Variants in SNRNP200 observed in about 807,000 individuals in gnomAD.
SNRNP200 encodes the protein small nuclear ribonucleoprotein U5 subunit 200, also known as U5 small nuclear ribonucleoprotein 200 kDa helicase.
A neutral mutation model predicts 255.2 loss-of-function variants in SNRNP200; 66 were observed. The ratio of observed to expected loss-of-function variants is 0.26; its 90% CI spans 0.21 to 0.32. The LOEUF is 0.32. Ranked by LOEUF, SNRNP200 falls within the 10% of genes least tolerant of loss-of-function variation. The probability of loss-of-function intolerance (pLI) is 1.00; values close to 1 mark genes in which losing one functional copy is unlikely to be tolerated. For synonymous variants in SNRNP200, 939 were observed against 1,027.8 expected (o/e 0.91, Z 1.65); for missense variants, 1,585 against 2,749.8 (o/e 0.58, Z 9.47).
Position 96,277,849 on chromosome 2 carries a change from C to T in SNRNP200, c.5712G>A (p.Leu1904=), listed in dbSNP as rs1439600407. Residue 1904 remains leucine (L), a synonymous_variant, in exon 40 of 45, where the codon CTG becomes CTA. Coordinates refer to ENST00000323853, the MANE Select transcript of SNRNP200 (RefSeq NM_014014.5). The surrounding 1 kb of genome is among the most constrained non-coding windows in gnomAD (Gnocchi z 4.4). ...LLQAHLSRMQ[L]SAELQSDTEE... is the part of the protein sequence containing the mutation. ...CCGTATCTGACTGCAACTCAGCACT[C>T]AGCTGCATGCGAGACAAGTGAGCCT... The T allele has an allele frequency of 6.2e-7, 1 of 1,614,238 alleles. No homozygotes were observed. Among genetic ancestry groups the T allele is most frequent in the East Asian group, 2.2e-5 (1 of 44,896 alleles).
chr2:96,279,149 G>A, intron 36 of SNRNP200, 151 bp from the exon 37 acceptor site: 2 of 709,038 alleles, frequency 2.8e-6, no homozygotes, highest in Non-Finnish European at 5.0e-6. Flanking sequence ...TGCATCACTG[G>A]TGACAATACG....
rs1046115497 is a variant in SNRNP200 at position 96,297,577 on chromosome 2, G to A, written c.1204-41C>T. ...ACAAAAACACAAAGGAAGTAAGCAA[G>A]CCGAGCAAGTGAGTTTTCCATCCAT... On this transcript the variant is annotated intron_variant, in intron 10 of 44. Transcript: ENST00000323853. The A allele has an allele frequency of 3.7e-6, 6 of 1,614,030 alleles. No individual in the cohort carries two copies. In the African/African-American group the frequency reaches 8.0e-5, roughly 22 times the overall value.
chr2:96,302,348 T>C (rs2063958653), intron 3 of SNRNP200, among the ~76,000 whole-genome samples: 1 of 152,178 alleles, frequency 6.6e-6, no homozygotes, highest in African/African-American at 2.4e-5. Context: ...CACAAGAGGA[T>C]CCAGAGAAAA....
Position 96,277,282 on chromosome 2 carries a change from G to A in SNRNP200, c.5932-41C>T. ...AGACGTCAGGAAAGAGAGAACACGG[G>A]CCAACAGCAAATGACACAGGCAGCA... On this transcript the variant is annotated intron_variant, in intron 41 of 44. Coordinates refer to ENST00000323853, the MANE Select transcript of SNRNP200 (RefSeq NM_014014.5). This position sits in a 1 kb window ranked among gnomAD's most constrained non-coding sequence, Gnocchi z 4.4. 1 of 1,608,068 alleles carries A rather than the reference G, an allele frequency of 6.2e-7. No homozygotes were observed. Among genetic ancestry groups the A allele is most frequent in the Non-Finnish European group, 8.5e-7 (1 of 1,174,756 alleles).
intron 9 of SNRNP200, among the ~76,000 whole-genome samples, 180 bp downstream of exon 9, chr2:96,298,104 G>C (rs2063929990): frequency 6.6e-6 from 1 of 152,212 alleles, no homozygotes; most frequent in Non-Finnish European, 1.5e-5. Context: ...GCAGGTCACT[G>C]GTCTCATGAC....
rs145029464 is a variant in SNRNP200 at position 96,304,676 on chromosome 2, G to A, written c.209+29C>T. The stretch of plus-strand genomic sequence containing the variant: ...AAAGGGAAGAGACTTTGGATCTGAA[G>A]GAAAAAATAGTATCCCCTTGGCACT... On this transcript the variant is annotated intron_variant, in intron 2 of 44. Coordinates refer to ENST00000323853, the MANE Select transcript of SNRNP200 (RefSeq NM_014014.5). 126 of 1,613,816 alleles carry A rather than the reference G, an allele frequency of 7.8e-5. No individual in the cohort carries two copies. The East Asian group carries it at 2.8e-3, about 35-fold the overall frequency.
chr2:96,288,991 C>A (rs759958479), intron 23 of SNRNP200, 46 bp downstream of exon 23: 9 of 1,517,786 alleles, frequency 5.9e-6, no homozygotes, highest in Non-Finnish European at 7.2e-6. Context: ...ATTATGAAAA[C>A]CACTTAATCC....
At chr2:96,295,341 T>C (rs1324919661) in intron 14 of SNRNP200, 147 bp downstream of exon 14, 5 of 1,449,602 alleles carry the variant, frequency 3.4e-6, no homozygotes, top group Non-Finnish European at 4.8e-6. Context: ...GTGGAGAAGA[T>C]GGATCTCATC....
chr2:96,287,826 C>A lies in SNRNP200; in HGVS notation c.3365+37G>T, dbSNP rs370041547. 1 of 1,581,758 alleles carries A rather than the reference C, an allele frequency of 6.3e-7. No homozygotes were observed. On this transcript the variant is annotated intron_variant, in intron 25 of 44. Coordinates refer to ENST00000323853, the MANE Select transcript of SNRNP200 (RefSeq NM_014014.5). The surrounding 1 kb of genome is among the most constrained non-coding windows in gnomAD (Gnocchi z 5.7). Reference sequence around the variant, plus strand: ...CAGACCCTTGGGTTGGGGACCCCCACTCATGGTGACCAGCATCCAGCTCAC... The same window carrying A: ...CAGACCCTTGGGTTGGGGACCCCCAATCATGGTGACCAGCATCCAGCTCAC...
chr2:96,294,113 A>G (rs2063901337), intron 14 of SNRNP200, among the ~76,000 whole-genome samples: 3 of 149,796 alleles, frequency 2.0e-5, no homozygotes, highest in South Asian at 2.2e-4. Context: ...TTTTTTTTAA[A>G]AAGTCAGATG....
Position 96,290,560 on chromosome 2 carries a change from C to T in SNRNP200, c.2554-46G>A. On this transcript the variant is annotated intron_variant, in intron 19 of 44. Coordinates refer to ENST00000323853, the MANE Select transcript of SNRNP200 (RefSeq NM_014014.5). This position sits in a 1 kb window ranked among gnomAD's most constrained non-coding sequence, Gnocchi z 4.5. ...CAAGAATGCTATGTCAAGAGAATGT[C>T]TGAATTTTGATGCAGGTATCTACAT... 1 of 1,613,740 alleles carries T rather than the reference C, an allele frequency of 6.2e-7. No individual in the cohort carries two copies. The highest frequency in any genetic ancestry group is 8.5e-7 in the Non-Finnish European group (1 of 1,179,678).
At chr2:96,289,699 A>T in intron 21 of SNRNP200, 100 bp downstream of exon 21, 1 of 1,029,838 alleles carries the variant, frequency 9.7e-7, no homozygotes, top group Non-Finnish European at 1.5e-6. Flanking sequence ...ACAGGTGATT[A>T]GATAGGCAGT....
In SNRNP200 at chr2:96,279,475, G is replaced by A. The variant is rs1684723842; in HGVS notation, c.5109C>T (p.Val1703=). 1 of 1,613,808 alleles carries A rather than the reference G, an allele frequency of 6.2e-7. No homozygotes were observed. Among genetic ancestry groups the A allele is most frequent in the Non-Finnish European group, 8.5e-7 (1 of 1,179,802 alleles). ...CCTTCTTGGAGCCCTGACACATGAT[G>A]ACACAGCGCCCCTCATCGTCCTGCA... The part of the protein sequence containing the change: ...RPLQDDEGRC[V]IMCQGSKKDF... The change falls in exon 36 of 45, where the codon GTC becomes GTT. Residue 1703 remains valine (V), a synonymous_variant. Coordinates refer to ENST00000323853, the MANE Select transcript of SNRNP200 (RefSeq NM_014014.5).
chr2:96,297,607 G>T, intron 10 of SNRNP200, 30 bp downstream of exon 10: 2 of 1,614,102 alleles, frequency 1.2e-6, no homozygotes, highest in African/African-American at 2.7e-5. Flanking sequence ...ATCCATCAAG[G>T]CCTGGGAAAT....
At chr2:96,279,023 G>A in intron 36 of SNRNP200, 25 bp from the exon 37 acceptor site, 1 of 1,591,728 alleles carries the variant, frequency 6.3e-7, no homozygotes, top group Non-Finnish European at 8.6e-7. Context: ...GGGAGAAGGA[G>A]TAATAAAGAA....
chr2:96,287,494 A>G lies in SNRNP200; in HGVS notation c.3429T>C (p.Ile1143=), dbSNP rs1365829500. The G allele has an allele frequency of 2.0e-5, 32 of 1,614,018 alleles. No homozygotes were observed. Among genetic ancestry groups the G allele is most frequent in the Non-Finnish European group, 2.7e-5 (32 of 1,180,020 alleles). The change falls in exon 26 of 45, where the codon ATT becomes ATC. Residue 1143 remains isoleucine (I), a synonymous_variant. Transcript: ENST00000323853. The surrounding 1 kb of genome is among the most constrained non-coding windows in gnomAD (Gnocchi z 5.7). The part of the protein sequence containing the change: ...RKLPEEVVKK[I]EKKNFPFERL... ...GCTCAAAGGGGAAATTCTTCTTCTC[A>G]ATCTTCTTCACTACTTCCTCAGGGA...
intron 35 of SNRNP200, chr2:96,279,829 A>C: frequency 2.4e-6 from 1 of 410,080 alleles, no homozygotes; most frequent in Non-Finnish European, 4.6e-6. Context: ...CAAAACCAAA[A>C]TAACTCCCTA....
chr2:96,297,731 CAA>C lies in SNRNP200; in HGVS notation c.1120-13_1120-12del. The C allele has an allele frequency of 6.2e-7, 1 of 1,614,020 alleles. No individual in the cohort carries two copies. Among genetic ancestry groups the C allele is most frequent in the Non-Finnish European group, 8.5e-7 (1 of 1,179,892 alleles). ...CCGGGACCTTTCCTCCTGTAGTGGA[CAA>C]AGATAAAAATCACAAAAACAATTCA... is the stretch of plus-strand genomic sequence containing the variant. On this transcript the variant is annotated splice_polypyrimidine_tract_variant and intron_variant, in intron 9 of 44. Transcript: ENST00000323853.
At position 96,297,654 on chromosome 2, in the gene SNRNP200, G is replaced by T; in HGVS notation, c.1186C>A (p.Leu396Ile). ...GATCCTACCTCTCCACCCTGGTCGA[G>T]ATCCATGGTTTCCAGATCTGTGTCC... ...RMDTDLETMD[L>I]DQGGEALAPR... The change falls in exon 10 of 45, where the codon CTC (leucine) becomes ATC (isoleucine). Residue 396 changes from leucine (L) to isoleucine (I), a missense_variant. This residue lies in a region of SNRNP200 where 383 missense variants were observed against 645.3 expected (regional missense o/e 0.59). Coordinates refer to ENST00000323853, the MANE Select transcript of SNRNP200 (RefSeq NM_014014.5). 6.2e-7 allele frequency: 1 copy of T among 1,614,230 alleles called. No individual in the cohort carries two copies. Among genetic ancestry groups the T allele is most frequent in the Non-Finnish European group, 8.5e-7 (1 of 1,180,030 alleles).
Sources: allele counts gnomAD v4.1 joint callset (sites outside exome capture counted in the v4.1 genomes callset), GRCh38; gene constraint gnomAD v4.1.1; regional missense constraint gnomAD v4.1.1; non-coding constraint Gnocchi (gnomAD v3.1); transcripts MANE v1.5; gene names NCBI Gene and HGNC (gene_info 2026-07-23, HGNC 2026-07-21).